Variants in PALM observed in about 807,000 individuals in gnomAD.
PALM encodes the protein paralemmin-1.
PALM carries 18 observed loss-of-function variants against 30.7 expected under a neutral mutation model. The ratio of observed to expected loss-of-function variants is 0.59; its 90% CI spans 0.41 to 0.87. The LOEUF is 0.87. PALM is among the 40% of genes least tolerant of loss of function. The probability of loss-of-function intolerance (pLI) is 0.00; values close to 1 mark genes in which losing one functional copy is unlikely to be tolerated. For missense variants in PALM, 529 were observed against 555.4 expected, an observed-to-expected ratio of 0.95 and a Z score of 0.48; for synonymous variants, 286 against 242.8, an observed-to-expected ratio of 1.18 and a Z score of -1.66.
At position 742,727 on chromosome 19, in the gene PALM, C is replaced by G. The variant is rs893200832; in HGVS notation, c.634+2244C>G. 6.6e-6 allele frequency among the ~76,000 whole-genome samples: 1 copy of G among 152,130 alleles called. No individual in the cohort carries two copies. Among genetic ancestry groups the G allele is most frequent in the Non-Finnish European group, 1.5e-5 (1 of 68,030 alleles). On this transcript the variant is annotated intron_variant, in intron 8 of 8. Coordinates refer to ENST00000338448, the MANE Select transcript of PALM (RefSeq NM_002579.3). The surrounding 1 kb of genome is among the most constrained non-coding windows in gnomAD (Gnocchi z 5.5). ...GGTGCATCGGCACTGTGGCCTGGGTCGGAGCCTGACTCCTTTTCATGGCTG... is the reference window on the plus strand; with the variant it reads ...GGTGCATCGGCACTGTGGCCTGGGTGGGAGCCTGACTCCTTTTCATGGCTG...
chr19:727,007 G>T lies in PALM; in HGVS notation c.58-1G>T. The T allele has an allele frequency of 1.4e-6, 1 of 694,560 alleles. No homozygotes were observed. The highest frequency in any genetic ancestry group is 2.3e-6 in the Non-Finnish European group (1 of 437,924). The allele number at this position is 694,560 out of a possible 1,614,324, so 43.0% of individuals were successfully genotyped here. A position where few individuals can be genotyped will look rare whatever the true frequency, so the allele number is the denominator to read the frequency against. ...CTGACCCCACCCGGCCCTCCCCACA[G>T]GAGAAGCGGAAGCGGCAGGCGGAGA... On this transcript the variant is annotated splice_acceptor_variant, in intron 2 of 8. Transcript: ENST00000338448. LOFTEE classifies it high-confidence loss of function.
Position 747,104 on chromosome 19 carries a change from A to G in PALM, c.*290A>G, listed in dbSNP as rs2033371981. 2 of 346,596 alleles carry G rather than the reference A, an allele frequency of 5.8e-6. No homozygotes were observed. Among genetic ancestry groups the G allele is most frequent in the East Asian group, 1.1e-4 (2 of 17,602 alleles). 21.5% of individuals were successfully genotyped at this position (346,596 alleles called of 1,614,324 possible). A position where few individuals can be genotyped will look rare whatever the true frequency, so the allele number is the denominator to read the frequency against. On this transcript the variant is annotated 3_prime_UTR_variant, in exon 9 of 9. Transcript: ENST00000338448. ...GGACCCCCCATGTCACGGCAGCTTC[A>G]CAGACGCGGCTCGCGCCCACCGGGG...
At position 742,616 on chromosome 19, in the gene PALM, A is replaced by AAAAAAG. The variant is rs59695010; in HGVS notation, c.634+2136_634+2137insAAGAAA. ...GTGAAACTCTGTCTCAAAAAAAAAAAAAAGAAAGAAAAGAGAATAAATGGG... is the reference window on the plus strand; with the variant it reads ...GTGAAACTCTGTCTCAAAAAAAAAAAAAAAAGAAAGAAAGAAAAGAGAATAAATGGG... On this transcript the variant is annotated intron_variant, in intron 8 of 8. Transcript: ENST00000338448. This position sits in a 1 kb window ranked among gnomAD's most constrained non-coding sequence, Gnocchi z 5.5. Among the ~76,000 whole-genome samples the AAAAAAG allele has an allele frequency of 1.4e-4, 21 of 147,774 alleles. No homozygotes were observed. The highest frequency in any genetic ancestry group is 2.1e-4 in the Non-Finnish European group (14 of 67,034).
chr19:728,914 G>A (rs1336108799), intron 4 of PALM, among the ~76,000 whole-genome samples: 1 of 152,166 alleles, frequency 6.6e-6, no homozygotes, highest in Admixed American at 6.5e-5. Flanking sequence ...TGAGGCAGGA[G>A]AATGGCGTGA....
intron 7 of PALM, among the ~76,000 whole-genome samples, chr19:738,353 T>C (rs765894598): frequency 1.6e-4 from 25 of 151,994 alleles, no homozygotes; most frequent in South Asian, 6.2e-4. Context: ...GGTGAAACCC[T>C]GTCTCTAGTA....
intron 1 of PALM, among the ~76,000 whole-genome samples, chr19:713,456 G>C (rs1173913112): frequency 1.3e-5 from 2 of 152,208 alleles, no homozygotes; most frequent in African/African-American, 4.8e-5. Flanking sequence ...GGTAGAGGAA[G>C]GGCAGGTGCT....
intron 8 of PALM, 118 bp downstream of exon 8, chr19:740,601 C>A: frequency 1.0e-6 from 1 of 1,003,508 alleles, no homozygotes; most frequent in Admixed American, 2.5e-5. Flanking sequence ...CGATGTGAAG[C>A]AGATGACGCT....
intron 8 of PALM, 142 bp downstream of exon 8, chr19:740,625 CCT>C: frequency 1.2e-6 from 1 of 801,876 alleles, no homozygotes; most frequent in Non-Finnish European, 1.9e-6. Context: ...CAGGCCAGGG[CCT>C]CACCCCCTGT....
chr19:709,443 C>T lies in PALM; in HGVS notation c.5+292C>T, dbSNP rs1051703563. 5.9e-5 allele frequency among the ~76,000 whole-genome samples: 9 copies of T among 151,806 alleles called. No individual in the cohort carries two copies. Among genetic ancestry groups the T allele is most frequent in the Admixed American group, 1.3e-4 (2 of 15,248 alleles). On this transcript the variant is annotated intron_variant, in intron 1 of 8. Coordinates refer to ENST00000338448, the MANE Select transcript of PALM (RefSeq NM_002579.3). The surrounding 1 kb of genome is among the most constrained non-coding windows in gnomAD (Gnocchi z 4.3). ...GACGCGGGGAGGGGGAGGCTCGCGT[C>T]TCCGCCCGCGCCCCGCCCGCGTCTC...
In PALM at chr19:709,637, C is replaced by T. The variant is rs943276863; in HGVS notation, c.5+486C>T. 6.6e-6 allele frequency among the ~76,000 whole-genome samples: 1 copy of T among 152,142 alleles called. No homozygotes were observed. The highest frequency in any genetic ancestry group is 1.5e-5 in the Non-Finnish European group (1 of 67,994). ...GCGCGCGCGGGCCGGTGCCCCCCAC[C>T]CCCGCCCTTCCCAAGGGCCTCCAGG... is the stretch of plus-strand genomic sequence containing the variant. On this transcript the variant is annotated intron_variant, in intron 1 of 8. Transcript: ENST00000338448. This position sits in a 1 kb window ranked among gnomAD's most constrained non-coding sequence, Gnocchi z 4.3.
chr19:740,551 G>C, intron 8 of PALM, 68 bp downstream of exon 8: 1 of 1,437,574 alleles, frequency 7.0e-7, no homozygotes, highest in Non-Finnish European at 9.4e-7. Context: ...TGCTCCCAGC[G>C]TGTGGGTCTG....
At chr19:743,220 G>A (rs896286622) in intron 8 of PALM, among the ~76,000 whole-genome samples, 2 of 152,140 alleles carry the variant, frequency 1.3e-5, no homozygotes, top group Admixed American at 1.3e-4. Context: ...TGTGGCGTTG[G>A]TGGCATCTCA....
chr19:719,592 C>A, intron 1 of PALM: 1 of 986,584 alleles, frequency 1.0e-6, no homozygotes, highest in Middle Eastern at 5.2e-4. Context: ...CCCAGCAGCA[C>A]CAGGACCGCC....
At chr19:714,914 C>G (rs1238845427) in intron 1 of PALM, among the ~76,000 whole-genome samples, 1 of 152,178 alleles carries the variant, frequency 6.6e-6, no homozygotes, top group Non-Finnish European at 1.5e-5. Flanking sequence ...CTCAGCCTCC[C>G]AAAGCGCTGG....
At chr19:743,866 T>C (rs2033260021) in intron 8 of PALM, among the ~76,000 whole-genome samples, 1 of 152,098 alleles carries the variant, frequency 6.6e-6, no homozygotes, top group Non-Finnish European at 1.5e-5. Flanking sequence ...TTTAGCAAGA[T>C]TGATTATATG....
At position 736,120 on chromosome 19, in the gene PALM, G is replaced by A. The variant is rs1196037340; in HGVS notation, c.502+42G>A. The stretch of plus-strand genomic sequence containing the variant: ...GCTCTGGGCCCCAGATCCAGCCGCT[G>A]TCAGGGACCAAGTCTCGGTCCGGGG... On this transcript the variant is annotated intron_variant, in intron 7 of 8. Coordinates refer to ENST00000338448, the MANE Select transcript of PALM (RefSeq NM_002579.3). 7 of 1,417,390 alleles carry A rather than the reference G, an allele frequency of 4.9e-6. No individual in the cohort carries two copies. The South Asian group carries it at 7.1e-5, about 14-fold the overall frequency. The allele number at this position is 1,417,390 out of a possible 1,614,324, so 87.8% of individuals were successfully genotyped here.
rs565395613 is a variant in PALM at position 746,973 on chromosome 19, CA to C, written c.*160del. 6.0e-5 allele frequency: 37 copies of C among 612,882 alleles called. 1 individual carries two copies. The highest frequency in any genetic ancestry group is 3.0e-4 in the Admixed American group (10 of 33,662). 38.0% of individuals were successfully genotyped at this position (612,882 alleles called of 1,614,324 possible). Reference sequence around the variant, plus strand: ...AGTTTTCTTTCGCTGGAAAGAGGGACAGGGGCCCCCACCCGTCACCACGCCC... The same window carrying C: ...AGTTTTCTTTCGCTGGAAAGAGGGACGGGGCCCCCACCCGTCACCACGCCC... On this transcript the variant is annotated 3_prime_UTR_variant, in exon 9 of 9. Coordinates refer to ENST00000338448, the MANE Select transcript of PALM (RefSeq NM_002579.3). The surrounding 1 kb of genome is among the most constrained non-coding windows in gnomAD (Gnocchi z 7.1).
chr19:727,201 T>C (rs933370296), intron 3 of PALM, 113 bp downstream of exon 3: 5 of 733,698 alleles, frequency 6.8e-6, no homozygotes, highest in Non-Finnish European at 1.1e-5. Flanking sequence ...ACCCTGACCC[T>C]GCCTCCAGCC....
rs1287981618 is a variant in PALM at position 743,672 on chromosome 19, A to G, written c.635-2613A>G. Among the ~76,000 whole-genome samples the G allele has an allele frequency of 3.9e-5, 6 of 152,142 alleles. No homozygotes were observed. In the East Asian group the frequency reaches 7.7e-4, roughly 20 times the overall value. The stretch of plus-strand genomic sequence containing the variant: ...CCCCCTTGCGTCCCTCCCAACTCCC[A>G]GCGTGGCCCAGGCAGCCGTGTTTCT... On this transcript the variant is annotated intron_variant, in intron 8 of 8. Transcript: ENST00000338448.
Sources: gnomAD v4.1 joint callset for allele counts (sites outside exome capture counted in the v4.1 genomes callset) on GRCh38, gnomAD v4.1.1 for gene constraint, Gnocchi (gnomAD v3.1) non-coding constraint, MANE v1.5 for transcripts, NCBI Gene and HGNC (gene_info 2026-07-23, HGNC 2026-07-21) for gene names.